Variants in KIF26B observed in about 807,000 individuals in gnomAD.
KIF26B encodes the protein kinesin-like protein KIF26B.
KIF26B carries 63 observed loss-of-function variants against 151.2 expected under a neutral mutation model. That is an observed-to-expected ratio of 0.42 (90% CI 0.34 to 0.51). The LOEUF is 0.51. KIF26B is among the 20% of genes least tolerant of loss of function. The pLI is 0.07. For synonymous variants in KIF26B, 1,357 were observed against 1,262.1 expected, an observed-to-expected ratio of 1.08 and a Z score of -1.59; for missense variants, 2,813 against 2,913.6, an observed-to-expected ratio of 0.97 and a Z score of 0.79.
At chr1:245,631,343 T>G (rs183244396) in intron 9 of KIF26B, among the ~76,000 whole-genome samples, 2 of 152,358 alleles carry the variant, frequency 1.3e-5, no homozygotes, top group African/African-American at 4.8e-5. Flanking sequence ...TGAAGGATGT[T>G]AGATTTTATC....
chr1:245,159,658 C>T (rs1281169968), intron 2 of KIF26B, among the ~76,000 whole-genome samples: 1 of 152,178 alleles, frequency 6.6e-6, no homozygotes, highest in Non-Finnish European at 1.5e-5. Flanking sequence ...ATTTTCTAAA[C>T]ATGCTGCCAT....
chr1:245,687,748 C>T lies in KIF26B; in HGVS notation c.4765C>T (p.Leu1589=). The T allele has an allele frequency of 3.2e-6, 5 of 1,578,102 alleles. No individual in the cohort carries two copies. Among genetic ancestry groups the T allele is most frequent in the Non-Finnish European group, 4.3e-6 (5 of 1,162,322 alleles). ...GKVASPKHCV[L]ARPKGTPPLP... ...GGTGGCTTCCCCCAAGCACTGTGTT[C>T]TGGCTCGGCCCAAAGGGACTCCCCC... The change falls in exon 12 of 15, where the codon CTG becomes TTG. Residue 1589 remains leucine (L), a synonymous_variant. Coordinates refer to ENST00000407071, the MANE Select transcript of KIF26B (RefSeq NM_018012.4). This position sits in a 1 kb window ranked among gnomAD's most constrained non-coding sequence, Gnocchi z 4.9.
Position 245,687,717 on chromosome 1 carries a change from G to A in KIF26B, c.4734G>A (p.Glu1578=), listed in dbSNP as rs1404381271. The stretch of plus-strand genomic sequence containing the variant: ...CCCCGCCCTCCAAGGCTACCCTGGA[G>A]GGGAAGGTGGCTTCCCCCAAGCACT... ...SGTPPSKATL[E]GKVASPKHCV... The change falls in exon 12 of 15, where the codon GAG becomes GAA. Residue 1578 remains glutamate, a synonymous_variant. Transcript: ENST00000407071. This position sits in a 1 kb window ranked among gnomAD's most constrained non-coding sequence, Gnocchi z 4.9. 1.3e-6 allele frequency: 2 copies of A among 1,580,248 alleles called. No homozygotes were observed. Among genetic ancestry groups the A allele is most frequent in the Non-Finnish European group, 1.7e-6 (2 of 1,163,520 alleles).
chr1:245,264,384 C>T (rs918998338), intron 2 of KIF26B, among the ~76,000 whole-genome samples: 2 of 152,138 alleles, frequency 1.3e-5, no homozygotes, highest in African/African-American at 4.8e-5. Flanking sequence ...ATTGGTATCT[C>T]TAATAGTTGG....
intron 4 of KIF26B, among the ~76,000 whole-genome samples, chr1:245,520,065 TA>T (rs1290530476): frequency 2.7e-5 from 4 of 150,410 alleles, no homozygotes; most frequent in Non-Finnish European, 4.4e-5. Context: ...CTACATTTTT[TA>T]AAAATTAAAT....
chr1:245,543,029 G>T (rs1411277199), intron 5 of KIF26B, among the ~76,000 whole-genome samples: 2 of 152,104 alleles, frequency 1.3e-5, no homozygotes, highest in Non-Finnish European at 2.9e-5. Flanking sequence ...CCCTGTCCAG[G>T]GCACCTCAAA....
chr1:245,323,539 C>G lies in KIF26B; in HGVS notation c.466-43295C>G, dbSNP rs1012451622. Among the ~76,000 whole-genome samples, 10 of 152,216 alleles carry G rather than the reference C, an allele frequency of 6.6e-5. No homozygotes were observed. In the South Asian group the frequency reaches 2.1e-3, roughly 32 times the overall value. On this transcript the variant is annotated intron_variant, in intron 2 of 14. Coordinates refer to ENST00000407071, the MANE Select transcript of KIF26B (RefSeq NM_018012.4). ...GAAAGGTCTCTCTTGATGGCAAGAC[C>G]GAGCAGCATCTTTCACTGAGCCACA...
At chr1:245,670,625 C>T (rs2044275481) in intron 10 of KIF26B, among the ~76,000 whole-genome samples, 1 of 151,752 alleles carries the variant, frequency 6.6e-6, no homozygotes, top group African/African-American at 2.4e-5. Context: ...TAGGAACAAC[C>T]CAATTGTTCA....
rs1553332272 is a variant in KIF26B at position 245,184,050 on chromosome 1, G to GTTTTTTGTTTTTTTTTTTTTTTTTTT, written c.465+27373_465+27374insGTTTTTTTTTTTTTTTTTTTTTTTTT. 9.1e-3 allele frequency among the ~76,000 whole-genome samples: 181 copies of GTTTTTTGTTTTTTTTTTTTTTTTTTT among 19,820 alleles called. 30 individuals are homozygous for GTTTTTTGTTTTTTTTTTTTTTTTTTT. Among genetic ancestry groups the GTTTTTTGTTTTTTTTTTTTTTTTTTT allele is most frequent in the Non-Finnish European group, 0.012 (117 of 10,062 alleles). The allele number at this position is 19,820 out of a possible 152,430, so 13.0% of individuals were successfully genotyped here. A position where few individuals can be genotyped will look rare whatever the true frequency, so the allele number is the denominator to read the frequency against. ...GCAACAGGTATGGGTGGGAGTTGTT[G>GTTTTTTGTTTTTTTTTTTTTTTTTTT]TTTTTTTTTTTTTTTTTTTGAGCTT... On this transcript the variant is annotated intron_variant, in intron 2 of 14. Coordinates refer to ENST00000407071, the MANE Select transcript of KIF26B (RefSeq NM_018012.4).
chr1:245,439,326 A>G (rs1029428248), intron 4 of KIF26B, among the ~76,000 whole-genome samples: 4 of 149,792 alleles, frequency 2.7e-5, no homozygotes, highest in Non-Finnish European at 5.9e-5. Context: ...GAGCCTGGGC[A>G]AAGGAACAAG....
chr1:245,269,036 C>CT (rs1670800150), intron 2 of KIF26B, among the ~76,000 whole-genome samples: 1 of 152,146 alleles, frequency 6.6e-6, no homozygotes, highest in South Asian at 2.1e-4. Context: ...GAATAAAGGT[C>CT]TTTTTTATAA....
chr1:245,180,292 CAGAGAG>C (rs34346823), intron 2 of KIF26B, among the ~76,000 whole-genome samples: 7 of 148,538 alleles, frequency 4.7e-5, no homozygotes, highest in South Asian at 2.2e-4. Context: ...CTGCAGGTAG[CAGAGAG>C]AGAGAGAGAG....
chr1:245,245,894 C>T (rs1169063731), intron 2 of KIF26B, among the ~76,000 whole-genome samples: 1 of 148,996 alleles, frequency 6.7e-6, no homozygotes, highest in East Asian at 2.0e-4. Flanking sequence ...CTACTACAGT[C>T]CAGCCTGGGT....
chr1:245,419,246 A>G (rs1204329666), intron 3 of KIF26B, among the ~76,000 whole-genome samples: 1 of 152,166 alleles, frequency 6.6e-6, no homozygotes, highest in Non-Finnish European at 1.5e-5. Context: ...AGCATTAGTT[A>G]ATGTTACTGT....
Position 245,316,029 on chromosome 1 carries a change from T to C in KIF26B, c.466-50805T>C, listed in dbSNP as rs546457007. ...TCAGAACACAGACTGCACAGTAAAG[T>C]GTGGGCCTAACTAGACCACAGCCTG... On this transcript the variant is annotated intron_variant, in intron 2 of 14. Coordinates refer to ENST00000407071, the MANE Select transcript of KIF26B (RefSeq NM_018012.4). 2.0e-5 allele frequency among the ~76,000 whole-genome samples: 3 copies of C among 152,244 alleles called. No individual in the cohort carries two copies. In the East Asian group the frequency reaches 5.8e-4, roughly 29 times the overall value.
intron 2 of KIF26B, among the ~76,000 whole-genome samples, chr1:245,286,395 A>G (rs142165636): frequency 0.057 from 8,604 of 152,110 alleles, 468 homozygotes; most frequent in African/African-American, 0.14. Context: ...TACAAAAATT[A>G]GCCAGGTGTG....
intron 2 of KIF26B, among the ~76,000 whole-genome samples, chr1:245,342,012 G>A (rs1572013213): frequency 6.6e-6 from 1 of 152,344 alleles, no homozygotes; most frequent in East Asian, 1.9e-4. Context: ...CACATACCAA[G>A]TTGAAAGCAA....
At chr1:245,471,298 T>C (rs1659908304) in intron 4 of KIF26B, among the ~76,000 whole-genome samples, 1 of 152,012 alleles carries the variant, frequency 6.6e-6, no homozygotes, top group Non-Finnish European at 1.5e-5. Flanking sequence ...GCCCAGCTAA[T>C]TTTTATTGTA....
At chr1:245,582,925 C>T (rs1248719249) in intron 5 of KIF26B, among the ~76,000 whole-genome samples, 1 of 152,066 alleles carries the variant, frequency 6.6e-6, no homozygotes, top group Non-Finnish European at 1.5e-5. Flanking sequence ...CAGCATCCTT[C>T]CTCTCTCCCT....
Sources: allele counts gnomAD v4.1 joint callset (sites outside exome capture counted in the v4.1 genomes callset), GRCh38; gene constraint gnomAD v4.1.1; non-coding constraint Gnocchi (gnomAD v3.1); transcripts MANE v1.5; gene names NCBI Gene and HGNC (gene_info 2026-07-23, HGNC 2026-07-21).